Variants in COL22A1 observed in about 807,000 individuals in gnomAD.
COL22A1 encodes the protein collagen type XXII alpha 1 chain.
A neutral mutation model predicts 248.9 loss-of-function variants in COL22A1; 221 were observed. That is an observed-to-expected ratio of 0.89 (90% CI 0.80 to 0.99). COL22A1 has a LOEUF of 0.99. Ranked by LOEUF, COL22A1 falls within the 50% of genes least tolerant of loss-of-function variation. COL22A1 has a pLI of 0.00. For missense variants in COL22A1, 2,240 were observed against 2,179.0 expected, an observed-to-expected ratio of 1.03 and a Z score of -0.56; for synonymous variants, 891 against 793.4, an observed-to-expected ratio of 1.12 and a Z score of -2.07.
chr8:138,655,255 C>T (rs560509474), intron 45 of COL22A1, among the ~76,000 whole-genome samples: 1 of 152,316 alleles, frequency 6.6e-6, no homozygotes, highest in South Asian at 2.1e-4. Context: ...TAATGTTCTG[C>T]TCTATATCTG....
chr8:138,595,366 C>G (rs1347966634), intron 62 of COL22A1, among the ~76,000 whole-genome samples: 1 of 152,148 alleles, frequency 6.6e-6, no homozygotes, highest in Non-Finnish European at 1.5e-5. Context: ...CCAGCAGATT[C>G]TCTATCCAAA....
chr8:138,902,659 T>A (rs1814673394), intron 1 of COL22A1, among the ~76,000 whole-genome samples: 2 of 147,486 alleles, frequency 1.4e-5, no homozygotes, highest in Admixed American at 1.4e-4. Flanking sequence ...TGAGCCAAGA[T>A]CACACCATTG....
Position 138,767,094 on chromosome 8 carries a change from C to T in COL22A1, c.1804-4628G>A, listed in dbSNP as rs563905999. 8.5e-5 allele frequency among the ~76,000 whole-genome samples: 13 copies of T among 152,288 alleles called. No individual in the cohort carries two copies. In the East Asian group the frequency reaches 1.7e-3, roughly 20 times the overall value. On this transcript the variant is annotated intron_variant, in intron 16 of 64. Coordinates refer to ENST00000303045, the MANE Select transcript of COL22A1 (RefSeq NM_152888.3). Reference sequence around the variant, plus strand: ...CCAGTTCCTTAGCAGCTCTGTCACTCGGTTTCTACAAATAAGGAGCATAAT... The same window carrying T: ...CCAGTTCCTTAGCAGCTCTGTCACTTGGTTTCTACAAATAAGGAGCATAAT...
At chr8:138,806,315 GGT>G (rs958274692) in intron 10 of COL22A1, among the ~76,000 whole-genome samples, 10 of 147,742 alleles carry the variant, frequency 6.8e-5, no homozygotes, top group East Asian at 4.0e-4. Flanking sequence ...TGTATTATGG[GGT>G]GTGTGTGTGT....
At chr8:138,705,265 T>A (rs922902858) in intron 30 of COL22A1, among the ~76,000 whole-genome samples, 1 of 152,090 alleles carries the variant, frequency 6.6e-6, no homozygotes, top group African/African-American at 2.4e-5. Context: ...ACGTTCAAAT[T>A]CAGGAAATAC....
At chr8:138,847,207 C>T (rs16909685) in intron 3 of COL22A1, among the ~76,000 whole-genome samples, 1 of 152,318 alleles carries the variant, frequency 6.6e-6, no homozygotes, top group African/African-American at 2.4e-5. Context: ...TTTCTAGCTC[C>T]AAACCCATAA....
At position 138,692,032 on chromosome 8, in the gene COL22A1, G is replaced by T; in HGVS notation, c.2755-1158C>A. Among the ~76,000 whole-genome samples, 2 of 137,582 alleles carry T rather than the reference G, an allele frequency of 1.5e-5. 1 individual carries two copies. The highest frequency in any genetic ancestry group is 5.0e-4 in the East Asian group (2 of 4,012). The allele number at this position is 137,582 out of a possible 152,430, so 90.3% of individuals were successfully genotyped here. ...TGTTTCTGGAGGTGTATGCATGCGC[G>T]TGCATTTGTGAAGGTGTGTGTGTGC... is the stretch of plus-strand genomic sequence containing the variant. On this transcript the variant is annotated intron_variant, in intron 35 of 64. Transcript: ENST00000303045.
chr8:138,736,157 CCCT>C (rs1368067706), intron 23 of COL22A1, among the ~76,000 whole-genome samples: 1 of 151,918 alleles, frequency 6.6e-6, no homozygotes, highest in Non-Finnish European at 1.5e-5. Flanking sequence ...TTCAGGTGTG[CCCT>C]CCTTTTTTAT....
Position 138,725,541 on chromosome 8 carries a change from G to C in COL22A1, c.2140-101C>G, listed in dbSNP as rs1361689584. On this transcript the variant is annotated intron_variant, in intron 23 of 64. Coordinates refer to ENST00000303045, the MANE Select transcript of COL22A1 (RefSeq NM_152888.3). ...GGCAAAGGGAAGGGGACAGGAGGATGAGGTGGGATTTTAACTTTATTTGTA... is the reference window on the plus strand; with the variant it reads ...GGCAAAGGGAAGGGGACAGGAGGATCAGGTGGGATTTTAACTTTATTTGTA... 3.3e-6 allele frequency: 3 copies of C among 903,978 alleles called. No homozygotes were observed. The Admixed American group carries it at 7.9e-5, about 24-fold the overall frequency. 56.0% of individuals were successfully genotyped at this position (903,978 alleles called of 1,614,324 possible).
intron 12 of COL22A1, among the ~76,000 whole-genome samples, chr8:138,784,851 G>A (rs780906884): frequency 6.6e-6 from 1 of 152,136 alleles, no homozygotes. Flanking sequence ...GATTAGATTA[G>A]ATTTAATCTG....
chr8:138,795,089 C>T (rs1816385706), intron 12 of COL22A1, among the ~76,000 whole-genome samples: 1 of 151,378 alleles, frequency 6.6e-6, no homozygotes, highest in African/African-American at 2.4e-5. Flanking sequence ...AAATGAAACT[C>T]ATTTAAAAAA....
At chr8:138,846,888 G>A (rs957425098) in intron 3 of COL22A1, among the ~76,000 whole-genome samples, 2 of 152,236 alleles carry the variant, frequency 1.3e-5, no homozygotes, top group Non-Finnish European at 2.9e-5. Flanking sequence ...TCAGGGCATT[G>A]CAGGGCTGAC....
intron 13 of COL22A1, 41 bp from the exon 14 acceptor site, chr8:138,779,603 A>C: frequency 1.4e-6 from 2 of 1,431,158 alleles, no homozygotes; most frequent in Non-Finnish European, 2.0e-6. Context: ...GCAGTGGGAC[A>C]CAGGCCCAGG....
intron 50 of COL22A1, among the ~76,000 whole-genome samples, chr8:138,628,010 GAA>G (rs928414211): frequency 6.6e-6 from 1 of 151,572 alleles, no homozygotes; most frequent in African/African-American, 2.4e-5. Context: ...AAAAGGTTAG[GAA>G]AAAAAATCCT....
chr8:138,661,536 G>C (rs566023284), intron 43 of COL22A1, among the ~76,000 whole-genome samples: 2 of 152,302 alleles, frequency 1.3e-5, no homozygotes, highest in South Asian at 2.1e-4. Context: ...CCTTCTTAGA[G>C]CTCAGAGATG....
At chr8:138,720,303 G>A (rs139071445) in intron 27 of COL22A1, among the ~76,000 whole-genome samples, 8 of 152,180 alleles carry the variant, frequency 5.3e-5, no homozygotes, top group African/African-American at 1.9e-4. Context: ...AAGCATCGCA[G>A]TGAAGGTAGA....
chr8:138,695,797 A>G (rs1383022103), intron 32 of COL22A1, among the ~76,000 whole-genome samples: 1 of 151,922 alleles, frequency 6.6e-6, no homozygotes, highest in Non-Finnish European at 1.5e-5. Context: ...CATATGGAAC[A>G]AGGAGAAGAT....
intron 30 of COL22A1, among the ~76,000 whole-genome samples, chr8:138,707,426 AG>A (rs1828562147): frequency 6.6e-6 from 1 of 152,224 alleles, no homozygotes; most frequent in Admixed American, 6.5e-5. Context: ...CACATCAAAA[AG>A]CTTATCCATC....
intron 44 of COL22A1, among the ~76,000 whole-genome samples, chr8:138,659,529 G>C (rs1014667679): frequency 6.6e-6 from 1 of 152,206 alleles, no homozygotes; most frequent in Non-Finnish European, 1.5e-5. Flanking sequence ...GGTTGCTGCT[G>C]TCTCTTCCAT....
Sources: allele counts gnomAD v4.1 joint callset (sites outside exome capture counted in the v4.1 genomes callset), GRCh38; gene constraint gnomAD v4.1.1; transcripts MANE v1.5; gene names NCBI Gene and HGNC (gene_info 2026-07-23, HGNC 2026-07-21).